Variants in TEX101 observed in about 807,000 individuals in gnomAD.
TEX101 encodes testis-expressed protein 101.
Under a neutral mutation model 18.1 loss-of-function variants are expected in TEX101, and 10 were observed. That is an observed-to-expected ratio of 0.55 (90% CI 0.34 to 0.94). TEX101 has a LOEUF of 0.94. Among genes scored for constraint, TEX101 ranks in the 40% least tolerant of loss-of-function variants. The pLI, the probability that TEX101 is intolerant of heterozygous loss-of-function variation, is 0.02. For missense variants in TEX101, 259 were observed against 298.9 expected, an observed-to-expected ratio of 0.87 and a Z score of 0.98; for synonymous variants, 94 against 114.8, an observed-to-expected ratio of 0.82 and a Z score of 1.16.
chr19:43,395,942 G>C, the TEX101 span, among the ~76,000 whole-genome samples: 3 of 152,206 alleles, frequency 2.0e-5, no homozygotes, highest in South Asian at 6.2e-4. Flanking sequence ...TGTGCATTGA[G>C]CTCTGTGACA....
Sources: allele counts gnomAD v4.1 joint callset (sites outside exome capture counted in the v4.1 genomes callset), GRCh38; gene constraint gnomAD v4.1.1; transcripts MANE v1.5; gene names NCBI Gene and HGNC (gene_info 2026-07-23, HGNC 2026-07-21).